Variants in RAB11FIP3 observed in about 807,000 individuals in gnomAD.
RAB11FIP3 encodes the protein RAB11 family interacting protein 3.
A neutral mutation model predicts 77.8 loss-of-function variants in RAB11FIP3; 17 were observed. The ratio of observed to expected loss-of-function variants is 0.22; its 90% CI spans 0.15 to 0.33. The LOEUF (loss-of-function observed/expected upper bound fraction) is 0.33, where lower values mean the gene tolerates loss of function less well. RAB11FIP3 is among the 10% of genes least tolerant of loss of function. The pLI is 1.00. For missense variants in RAB11FIP3, 1,005 were observed against 1,011.2 expected (o/e 0.99, Z 0.08); for synonymous variants, 437 against 448.2 (o/e 0.98, Z 0.31).
chr16:467,032 C>T (rs550614854), intron 2 of RAB11FIP3, among the ~76,000 whole-genome samples: 34 of 152,318 alleles, frequency 2.2e-4, no homozygotes, highest in Admixed American at 1.3e-3. Flanking sequence ...TGAGTGCTGT[C>T]GAACCAGCCT....
At chr16:512,534 C>T (rs971820033) in intron 9 of RAB11FIP3, among the ~76,000 whole-genome samples, 2 of 146,722 alleles carry the variant, frequency 1.4e-5, no homozygotes, top group East Asian at 2.0e-4. Context: ...GCCATCGCGC[C>T]CGGCCTTTTT....
At chr16:441,585 T>C (rs2055227597) in intron 1 of RAB11FIP3, among the ~76,000 whole-genome samples, 1 of 152,196 alleles carries the variant, frequency 6.6e-6, no homozygotes, top group African/African-American at 2.4e-5. Context: ...CCTCTCTAAA[T>C]TGATCTCACG....
chr16:432,692 C>G (rs187945483), intron 1 of RAB11FIP3, among the ~76,000 whole-genome samples: 18 of 150,400 alleles, frequency 1.2e-4, no homozygotes, highest in African/African-American at 4.4e-4. Flanking sequence ...CTCTGCCTCC[C>G]GGGTTCAAGC....
At position 522,284 on chromosome 16, in the gene RAB11FIP3, T is replaced by C. The variant is rs1171486262; in HGVS notation, c.*1445T>C. On this transcript the variant is annotated 3_prime_UTR_variant, in exon 14 of 14. Transcript: ENST00000262305. Reference sequence around the variant, plus strand: ...TATATATATATATATGTATAATATATAAAGACTGGCACCCTGCCTCTCTGT... The same window carrying C: ...TATATATATATATATGTATAATATACAAAGACTGGCACCCTGCCTCTCTGT... 1 of 147,798 alleles carries C rather than the reference T, an allele frequency of 6.8e-6. No homozygotes were observed. The allele number at this position is 147,798 out of a possible 1,614,324, so 9.2% of individuals were successfully genotyped here. A position where few individuals can be genotyped will look rare whatever the true frequency, so the allele number is the denominator to read the frequency against.
At chr16:458,164 C>T (rs533814832) in intron 1 of RAB11FIP3, among the ~76,000 whole-genome samples, 14 of 152,344 alleles carry the variant, frequency 9.2e-5, no homozygotes, top group Non-Finnish European at 2.1e-4. Context: ...CTGACAGTGG[C>T]GAGAGGGCCA....
chr16:447,443 T>A (rs985358725), intron 1 of RAB11FIP3, among the ~76,000 whole-genome samples: 10 of 151,940 alleles, frequency 6.6e-5, no homozygotes, highest in South Asian at 6.2e-4. Flanking sequence ...TAATTAAAAA[T>A]ATATATATAT....
chr16:467,702 G>A (rs1300299464), intron 2 of RAB11FIP3, among the ~76,000 whole-genome samples: 1 of 64,410 alleles, frequency 1.6e-5, no homozygotes, highest in Non-Finnish European at 3.3e-5. Flanking sequence ...GTGCAGGGGC[G>A]TCAGGGAGGA....
chr16:483,744 G>T (rs2056094636), intron 4 of RAB11FIP3, among the ~76,000 whole-genome samples: 1 of 151,914 alleles, frequency 6.6e-6, no homozygotes, highest in Non-Finnish European at 1.5e-5. Context: ...CTGCCTGGAG[G>T]CCTCATCTGC....
At position 506,881 on chromosome 16, in the gene RAB11FIP3, G is replaced by T. The variant is rs556720361; in HGVS notation, c.1499+1254G>T. On this transcript the variant is annotated intron_variant, in intron 8 of 13. Transcript: ENST00000262305. The surrounding 1 kb of genome is among the most constrained non-coding windows in gnomAD (Gnocchi z 4.5). ...ATGCTGGTGAAGGGGCTGGACTCCCGTAGTGCGCTACACATAAGCAGTGCC... is the reference window on the plus strand; with the variant it reads ...ATGCTGGTGAAGGGGCTGGACTCCCTTAGTGCGCTACACATAAGCAGTGCC... Among the ~76,000 whole-genome samples the T allele has an allele frequency of 6.6e-6, 1 of 152,190 alleles. No individual in the cohort carries two copies. Among genetic ancestry groups the T allele is most frequent in the African/African-American group, 2.4e-5 (1 of 41,452 alleles).
intron 5 of RAB11FIP3, among the ~76,000 whole-genome samples, chr16:490,356 C>T (rs999169827): frequency 1.3e-5 from 2 of 152,292 alleles, no homozygotes; most frequent in African/African-American, 2.4e-5. Context: ...CACTGAGTTT[C>T]GACAGGTCGG....
chr16:500,714 AAATT>A (rs2031457025), intron 6 of RAB11FIP3, among the ~76,000 whole-genome samples: 4 of 150,838 alleles, frequency 2.7e-5, no homozygotes, highest in Admixed American at 6.6e-5. Context: ...AAAAAAAAAA[AAATT>A]AAATAAGTAA....
At position 461,304 on chromosome 16, in the gene RAB11FIP3, C is replaced by T. The variant is rs2055601413; in HGVS notation, c.715-100C>T. The T allele has an allele frequency of 1.2e-6, 1 of 843,644 alleles. No homozygotes were observed. The highest frequency in any genetic ancestry group is 2.8e-5 in the East Asian group (1 of 35,670). The allele number at this position is 843,644 out of a possible 1,614,324, so 52.3% of individuals were successfully genotyped here. A position where few individuals can be genotyped will look rare whatever the true frequency, so the allele number is the denominator to read the frequency against. ...CACCTCCTGCTGTGCTTCCCCGTTC[C>T]CAGCAGGCCACACACCAGATCTCTC... On this transcript the variant is annotated intron_variant, in intron 1 of 13. Transcript: ENST00000262305. This position sits in a 1 kb window ranked among gnomAD's most constrained non-coding sequence, Gnocchi z 4.5.
chr16:519,029 G>A lies in RAB11FIP3; in HGVS notation c.1722+5G>A. ...AACATTGAGCGTCTGGAGGAGGTGA[G>A]CTGCCAACAGCCTGGAGCTGTGGCC... On this transcript the variant is annotated splice_donor_5th_base_variant and intron_variant, in intron 10 of 13. Coordinates refer to ENST00000262305, the MANE Select transcript of RAB11FIP3 (RefSeq NM_014700.4). 1.2e-6 allele frequency: 2 copies of A among 1,613,008 alleles called. No individual in the cohort carries two copies. Among genetic ancestry groups the A allele is most frequent in the Non-Finnish European group, 1.7e-6 (2 of 1,179,910 alleles).
At chr16:438,496 C>T in intron 1 of RAB11FIP3, among the ~76,000 whole-genome samples, 1 of 148,900 alleles carries the variant, frequency 6.7e-6, no homozygotes, top group Non-Finnish European at 1.5e-5. Context: ...ACCTCCGCTT[C>T]CAGGGTTCAA....
intron 2 of RAB11FIP3, among the ~76,000 whole-genome samples, chr16:470,715 G>A (rs1217394115): frequency 2.0e-5 from 3 of 152,170 alleles, no homozygotes; most frequent in East Asian, 1.9e-4. Flanking sequence ...TGTAGCTGAC[G>A]TAAGAATTAT....
chr16:445,948 G>T (rs545263751), intron 1 of RAB11FIP3, among the ~76,000 whole-genome samples: 4 of 152,092 alleles, frequency 2.6e-5, no homozygotes, highest in Non-Finnish European at 4.4e-5. Flanking sequence ...TCAGGTGTAG[G>T]CCCCTGTGTG....
At chr16:479,096 T>TA (rs2055981377) in intron 3 of RAB11FIP3, among the ~76,000 whole-genome samples, 1 of 151,802 alleles carries the variant, frequency 6.6e-6, no homozygotes, top group Admixed American at 6.6e-5. Flanking sequence ...GCTAGATACT[T>TA]AAGAGTAAAA....
chr16:448,566 C>G (rs2055354891), intron 1 of RAB11FIP3, among the ~76,000 whole-genome samples: 1 of 151,858 alleles, frequency 6.6e-6, no homozygotes, highest in Admixed American at 6.6e-5. Context: ...GAAACCCCTT[C>G]TCTAATAAAA....
intron 1 of RAB11FIP3, among the ~76,000 whole-genome samples, chr16:431,562 ACGGGGTTTCGC>A (rs1164125543): frequency 6.6e-6 from 1 of 151,852 alleles, no homozygotes; most frequent in East Asian, 1.9e-4. Flanking sequence ...TTTAGTAGAG[ACGGGGTTTCGC>A]CGTGTTGACT....
Sources: gnomAD v4.1 joint callset for allele counts (sites outside exome capture counted in the v4.1 genomes callset) on GRCh38, gnomAD v4.1.1 for gene constraint, Gnocchi (gnomAD v3.1) non-coding constraint, MANE v1.5 for transcripts, NCBI Gene and HGNC (gene_info 2026-07-23, HGNC 2026-07-21) for gene names.